RNF13: variants seen among roughly 807,000 people sequenced by gnomAD.
RNF13 encodes ring finger protein 13, also known as E3 ubiquitin-protein ligase RNF13.
RNF13 carries 19 observed loss-of-function variants against 37.7 expected under a neutral mutation model. The ratio of observed to expected loss-of-function variants is 0.50; its 90% confidence interval spans 0.35 to 0.74. The LOEUF is 0.74. Among genes scored for constraint, RNF13 ranks in the 30% least tolerant of loss-of-function variants. The pLI is 0.01. For synonymous variants in RNF13, 144 were observed against 157.8 expected (o/e 0.91, Z 0.65); for missense variants, 375 against 453.0 (o/e 0.83, Z 1.56).
At chr3:149,836,124 CATTTCTCTG>C (rs1207530360) in intron 1 of RNF13, among the ~76,000 whole-genome samples, 29 of 152,206 alleles carry the variant, frequency 1.9e-4, no homozygotes, top group African/African-American at 6.7e-4. Context: ...TTTTGATTTG[CATTTCTCTG>C]ATCACTAGTG....
Position 149,945,713 on chromosome 3 carries a change from A to G in RNF13, c.701-14343A>G, listed in dbSNP as rs1720706336. Among the ~76,000 whole-genome samples the G allele has an allele frequency of 3.3e-5, 5 of 152,150 alleles. No homozygotes were observed. The South Asian group carries it at 1.0e-3, about 31-fold the overall frequency. ...CCACACGGCCAGGTACCCCTCTGAG[A>G]TGAAGCTTCTGGAGGAACAATCTGG... On this transcript the variant is annotated intron_variant, in intron 8 of 9. Coordinates refer to ENST00000392894, the MANE Select transcript of RNF13 (RefSeq NM_183381.3).
intron 8 of RNF13, among the ~76,000 whole-genome samples, chr3:149,946,084 T>A (rs1020328637): frequency 1.3e-5 from 2 of 152,140 alleles, no homozygotes; most frequent in Admixed American, 1.3e-4. Flanking sequence ...TTTGACAAGT[T>A]GAGAGAAGAA....
chr3:149,926,386 A>G (rs1337344813), intron 8 of RNF13, among the ~76,000 whole-genome samples: 1 of 151,740 alleles, frequency 6.6e-6, no homozygotes, highest in Non-Finnish European at 1.5e-5. Flanking sequence ...TCCTTTTTGT[A>G]TTTTTAGTAG....
At chr3:149,912,183 G>A (rs925642546) in intron 7 of RNF13, 100 bp downstream of exon 7, 5 of 578,970 alleles carry the variant, frequency 8.6e-6, no homozygotes, top group Admixed American at 8.5e-5. Flanking sequence ...ACATAAAAGA[G>A]TACATATTAT....
intron 6 of RNF13, among the ~76,000 whole-genome samples, chr3:149,907,603 G>T (rs1240570660): frequency 6.6e-6 from 1 of 152,178 alleles, no homozygotes; most frequent in Non-Finnish European, 1.5e-5. Context: ...CTTGTTAGCT[G>T]TGTGATCTTC....
chr3:149,939,719 TG>T (rs1720064721), intron 8 of RNF13: 1 of 786,968 alleles, frequency 1.3e-6, no homozygotes. Context: ...TGATAATCTT[TG>T]TCGGCCTTTT....
intron 8 of RNF13, among the ~76,000 whole-genome samples, chr3:149,955,518 T>C (rs1576602406): frequency 6.6e-6 from 1 of 152,232 alleles, no homozygotes; most frequent in African/African-American, 2.4e-5. Flanking sequence ...ATAAGATTCA[T>C]TTATTTCTTA....
chr3:149,881,516 A>G (rs1395175377), intron 4 of RNF13, among the ~76,000 whole-genome samples: 1 of 152,072 alleles, frequency 6.6e-6, no homozygotes, highest in East Asian at 1.9e-4. Flanking sequence ...TTTTTAGTAG[A>G]GATGGGGTTT....
chr3:149,836,555 CTGTT>C (rs138764900), intron 1 of RNF13, among the ~76,000 whole-genome samples: 2,369 of 151,844 alleles, frequency 0.016, 58 homozygotes, highest in African/African-American at 0.054. Context: ...GAAATAGTAA[CTGTT>C]TGTGCATTAT....
chr3:149,853,608 T>G (rs1462681359), intron 3 of RNF13, among the ~76,000 whole-genome samples: 1 of 152,060 alleles, frequency 6.6e-6, no homozygotes, highest in African/African-American at 2.4e-5. Flanking sequence ...CATATATGCT[T>G]CAGATTATCC....
chr3:149,961,846 T>A lies in RNF13; in HGVS notation c.*742T>A, dbSNP rs951917040. On this transcript the variant is annotated 3_prime_UTR_variant, in exon 10 of 10. Coordinates refer to ENST00000392894, the MANE Select transcript of RNF13 (RefSeq NM_183381.3). ...TAAAAATACCAAACTTCAGCAACTG[T>A]TAATACTCAGATCATATACCTCTTA... 6.5e-6 allele frequency: 1 copy of A among 153,674 alleles called. No homozygotes were observed. The highest frequency in any genetic ancestry group is 2.4e-5 in the African/African-American group (1 of 41,470). 9.5% of individuals were successfully genotyped at this position (153,674 alleles called of 1,614,324 possible).
intron 7 of RNF13, among the ~76,000 whole-genome samples, chr3:149,919,082 A>G (rs905270640): frequency 2.0e-5 from 3 of 151,976 alleles, no homozygotes; most frequent in Non-Finnish European, 2.9e-5. Flanking sequence ...TCTTTTTCCT[A>G]TTGATATGAA....
chr3:149,858,045 G>C (rs1453747811), intron 3 of RNF13, among the ~76,000 whole-genome samples: 1 of 152,202 alleles, frequency 6.6e-6, no homozygotes, highest in East Asian at 1.9e-4. Context: ...CTCAAGAGTG[G>C]GTTGTTATAA....
chr3:149,951,786 A>G (rs1010617275), intron 8 of RNF13, among the ~76,000 whole-genome samples: 1 of 152,216 alleles, frequency 6.6e-6, no homozygotes, highest in African/African-American at 2.4e-5. Flanking sequence ...TTTTCAGAGC[A>G]GCCTAATTAG....
chr3:149,855,989 G>A (rs559378568), intron 3 of RNF13, among the ~76,000 whole-genome samples: 1 of 152,024 alleles, frequency 6.6e-6, no homozygotes, highest in Non-Finnish European at 1.5e-5. Context: ...TACTGAATAA[G>A]CTTATTTTAA....
chr3:149,918,302 C>G (rs1006778281), intron 7 of RNF13, among the ~76,000 whole-genome samples: 1 of 152,066 alleles, frequency 6.6e-6, no homozygotes, highest in Non-Finnish European at 1.5e-5. Context: ...TGGTGGCTAC[C>G]ATATTGGACA....
At chr3:149,823,312 C>CTTAGCCTTAATATACA (rs1411550330) in intron 1 of RNF13, among the ~76,000 whole-genome samples, 1 of 152,092 alleles carries the variant, frequency 6.6e-6, no homozygotes, top group Non-Finnish European at 1.5e-5. Flanking sequence ...ATATTAAGGA[C>CTTAGCCTTAATATACA]TTAGCCAGAT....
chr3:149,903,927 ATATCTGTC>A (rs1362266528), intron 6 of RNF13, among the ~76,000 whole-genome samples: 8 of 149,912 alleles, frequency 5.3e-5, no homozygotes, highest in African/African-American at 7.4e-5. Flanking sequence ...ATCTATCTAT[ATATCTGTC>A]TATCTGTCTG....
chr3:149,818,428 GTC>G (rs1424677712), intron 1 of RNF13, among the ~76,000 whole-genome samples: 1 of 152,132 alleles, frequency 6.6e-6, no homozygotes, highest in African/African-American at 2.4e-5. Context: ...ATTCGCATTT[GTC>G]TCTCCCTTTT....
Sources: gnomAD v4.1 joint callset for allele counts (sites outside exome capture counted in the v4.1 genomes callset) on GRCh38, gnomAD v4.1.1 for gene constraint, MANE v1.5 for transcripts, NCBI Gene and HGNC (gene_info 2026-07-23, HGNC 2026-07-21) for gene names.